The following PRDM7 variants were observed in gnomAD, a reference collection of about 807,000 sequenced individuals.
The protein encoded by PRDM7 is PR/SET domain 7.
Under a neutral mutation model 64.3 loss-of-function variants are expected in PRDM7, and 52 were observed. That is an observed-to-expected ratio of 0.81 (90% CI 0.65 to 1.02). PRDM7 has a LOEUF of 1.02. Ranked by LOEUF, PRDM7 falls within the 50% of genes least tolerant of loss-of-function variation. The probability of loss-of-function intolerance (pLI) is 0.00; values close to 1 mark genes in which losing one functional copy is unlikely to be tolerated. For missense variants in PRDM7, 574 were observed against 597.1 expected, an observed-to-expected ratio of 0.96 and a Z score of 0.40; for synonymous variants, 192 against 210.1, an observed-to-expected ratio of 0.91 and a Z score of 0.74.
At chr16:90,067,640 G>C (rs1304356573) in intron 4 of PRDM7, among the ~76,000 whole-genome samples, 1 of 147,378 alleles carries the variant, frequency 6.8e-6, no homozygotes, top group African/African-American at 2.6e-5. Context: ...ACCCAGGCTG[G>C]AGTGCAGGGG....
At chr16:90,060,768 C>T (rs1423595371) in intron 9 of PRDM7, 145 bp from the exon 10 acceptor site, 3 of 1,122,344 alleles carry the variant, frequency 2.7e-6, no homozygotes. Flanking sequence ...CTTACCTCCA[C>T]CTTGATTGGC....
intron 6 of PRDM7, among the ~76,000 whole-genome samples, chr16:90,063,120 C>A (rs1402581492): frequency 6.6e-6 from 1 of 152,160 alleles, no homozygotes; most frequent in Non-Finnish European, 1.5e-5. Flanking sequence ...AAGTGAGTGA[C>A]TTCAAAGTTA....
intron 5 of PRDM7, among the ~76,000 whole-genome samples, chr16:90,064,085 G>A (rs2037831001): frequency 6.6e-6 from 1 of 152,214 alleles, no homozygotes; most frequent in Admixed American, 6.5e-5. Context: ...ACAGAGAGAA[G>A]GAGGGAATCT....
intron 6 of PRDM7, 135 bp from the exon 7 acceptor site, chr16:90,062,637 G>T: frequency 1.2e-6 from 1 of 825,620 alleles, no homozygotes; most frequent in Non-Finnish European, 2.0e-6. Flanking sequence ...TCTGTTTACT[G>T]CTTCAGAGAG....
chr16:90,059,734 C>G (rs1488975614), intron 10 of PRDM7, among the ~76,000 whole-genome samples: 1 of 152,228 alleles, frequency 6.6e-6, no homozygotes, highest in Non-Finnish European at 1.5e-5. Context: ...AGCTCTCACA[C>G]CGATCCCAGG....
At chr16:90,062,607 T>A in intron 6 of PRDM7, 105 bp from the exon 7 acceptor site, 1 of 994,432 alleles carries the variant, frequency 1.0e-6, no homozygotes, top group South Asian at 1.3e-5. Flanking sequence ...CATCTACCTT[T>A]CTACATACTC....
In PRDM7 at chr16:90,061,477, C is replaced by A. The variant is rs918890749; in HGVS notation, c.925G>T (p.Asp309Tyr). ...CTCATCCAGTTGGCCGAGGATTTAT[C>A]TTTTCCATCCACATACTCATAGCAG... The part of the protein sequence containing the change: ...RNCYEYVDGK[D>Y]KSSANWMRYV... The change falls in exon 9 of 11, where the codon GAT becomes TAT. Residue 309 changes from aspartate to tyrosine, a missense_variant. Transcript: ENST00000449207. The A allele has an allele frequency of 7.5e-6, 12 of 1,606,174 alleles. 1 individual carries two copies. The highest frequency in any genetic ancestry group is 5.0e-5 in the Admixed American group (3 of 60,006).
chr16:90,064,380 G>A (rs1021203861), intron 5 of PRDM7, among the ~76,000 whole-genome samples: 42 of 152,010 alleles, frequency 2.8e-4, no homozygotes, highest in African/African-American at 9.7e-4. Context: ...TTAGTTTCCC[G>A]ATCCAGAAGT....
At chr16:90,059,313 G>A (rs989127604) in intron 10 of PRDM7, among the ~76,000 whole-genome samples, 3 of 152,164 alleles carry the variant, frequency 2.0e-5, no homozygotes, top group African/African-American at 7.2e-5. Context: ...TGCACATCAA[G>A]TATTCATGTC....
In PRDM7 at chr16:90,075,694, C is replaced by A; in HGVS notation, c.69+148G>T. ...CAGAGCAGTCGCTGATGCTAGTGTT[C>A]TTTTCTCCCCCATGTCCTGGCCAGG... On this transcript the variant is annotated intron_variant, in intron 2 of 10. Transcript: ENST00000449207. This position sits in a 1 kb window ranked among gnomAD's most constrained non-coding sequence, Gnocchi z 4.3. The A allele has an allele frequency of 1.6e-6, 2 of 1,251,260 alleles. No individual in the cohort carries two copies. The highest frequency in any genetic ancestry group is 2.7e-5 in the South Asian group (2 of 74,180). 77.5% of individuals were successfully genotyped at this position (1,251,260 alleles called of 1,614,324 possible). A position where few individuals can be genotyped will look rare whatever the true frequency, so the allele number is the denominator to read the frequency against.
intron 9 of PRDM7, 79 bp from the exon 10 acceptor site, chr16:90,060,702 C>G: frequency 1.8e-5 from 28 of 1,574,436 alleles, no homozygotes; most frequent in Non-Finnish European, 2.3e-5. Flanking sequence ...CTCATCCTGC[C>G]TAGAATGCTT....
intron 6 of PRDM7, 42 bp downstream of exon 6, chr16:90,063,570 G>A (rs1316414042): frequency 6.2e-7 from 1 of 1,604,314 alleles, no homozygotes; most frequent in African/African-American, 1.3e-5. Flanking sequence ...AACCTTTCTA[G>A]AGGACATAGA....
chr16:90,056,935 T>G lies in PRDM7; in HGVS notation c.*1354A>C, dbSNP rs1465313848. 2.0e-5 allele frequency: 3 copies of G among 152,282 alleles called. No homozygotes were observed. Among genetic ancestry groups the G allele is most frequent in the Non-Finnish European group, 4.4e-5 (3 of 68,074 alleles). The allele number at this position is 152,282 out of a possible 1,614,324, so 9.4% of individuals were successfully genotyped here. A position where few individuals can be genotyped will look rare whatever the true frequency, so the allele number is the denominator to read the frequency against. On this transcript the variant is annotated 3_prime_UTR_variant, in exon 11 of 11. Transcript: ENST00000449207. ...TCCTAGGCGCCAGGCTACCTGCCTT[T>G]AGTTTTGCTTCTTTTTCCTTTTCTG...
At position 90,062,459 on chromosome 16, in the gene PRDM7, T is replaced by A; in HGVS notation, c.552A>T (p.Arg184=). The A allele has an allele frequency of 1.2e-6, 2 of 1,614,176 alleles. No homozygotes were observed. Among genetic ancestry groups the A allele is most frequent in the Non-Finnish European group, 1.7e-6 (2 of 1,180,024 alleles). ...CTTTGTATGCATGACCCTTTCTTTC[T>A]CGCAGGCTATACATCTTTCCTTCAG... ...KETEGKMYSL[R]ERKGHAYKEI... The change falls in exon 7 of 11, where the codon CGA becomes CGT. Residue 184 remains arginine (R), a synonymous_variant. Transcript: ENST00000449207.
chr16:90,076,989 T>A (rs2038046345), intron 1 of PRDM7, among the ~76,000 whole-genome samples: 1 of 152,034 alleles, frequency 6.6e-6, no homozygotes, highest in Admixed American at 6.5e-5. Context: ...TTGTGGCTCC[T>A]CAGGCTCAGA....
Position 90,057,655 on chromosome 16 carries a change from C to T in PRDM7, c.*634G>A. ...TACAGAACTATCCCCTGTTCTTCCT[C>T]AACTCTAGTCATGAAAGTGGCGGAT... On this transcript the variant is annotated 3_prime_UTR_variant, in exon 11 of 11. Coordinates refer to ENST00000449207, the MANE Select transcript of PRDM7 (RefSeq NM_001098173.2). 1 of 1,102,724 alleles carries T rather than the reference C, an allele frequency of 9.1e-7. No homozygotes were observed. The allele number at this position is 1,102,724 out of a possible 1,614,324, so 68.3% of individuals were successfully genotyped here. A position where few individuals can be genotyped will look rare whatever the true frequency, so the allele number is the denominator to read the frequency against.
At chr16:90,073,028 G>C (rs1326565098) in intron 4 of PRDM7, among the ~76,000 whole-genome samples, 1 of 152,148 alleles carries the variant, frequency 6.6e-6, no homozygotes, top group Admixed American at 6.5e-5. Flanking sequence ...CAGTAGAAGA[G>C]GAAATGAGCT....
At chr16:90,067,589 CT>C (rs1220091658) in intron 4 of PRDM7, among the ~76,000 whole-genome samples, 212 of 126,496 alleles carry the variant, frequency 1.7e-3, no homozygotes, top group South Asian at 2.5e-3. Context: ...AAGAAAAGCC[CT>C]TTTTTTTTTT....
chr16:90,057,614 A>T lies in PRDM7; in HGVS notation c.*675T>A. 1.2e-6 allele frequency: 1 copy of T among 849,750 alleles called. No homozygotes were observed. Among genetic ancestry groups the T allele is most frequent in the Non-Finnish European group, 1.5e-6 (1 of 647,092 alleles). The allele number at this position is 849,750 out of a possible 1,614,324, so 52.6% of individuals were successfully genotyped here. A position where few individuals can be genotyped will look rare whatever the true frequency, so the allele number is the denominator to read the frequency against. ...GTGCGGGAAACAACCACACATGTTG[A>T]CGTCCCCCGAACACTTACAGAACTA... On this transcript the variant is annotated 3_prime_UTR_variant, in exon 11 of 11. Coordinates refer to ENST00000449207, the MANE Select transcript of PRDM7 (RefSeq NM_001098173.2).
Sources: allele counts gnomAD v4.1 joint callset (sites outside exome capture counted in the v4.1 genomes callset), GRCh38; gene constraint gnomAD v4.1.1; non-coding constraint Gnocchi (gnomAD v3.1); transcripts MANE v1.5; gene names NCBI Gene and HGNC (gene_info 2026-07-23, HGNC 2026-07-21).